The following CCBE1 variants were observed in gnomAD, a reference collection of about 807,000 sequenced individuals.
The protein encoded by CCBE1 is collagen and calcium binding EGF domains 1, also known as collagen and calcium-binding EGF domain-containing protein 1.
In CCBE1, 37 loss-of-function variants were observed where a neutral mutation model predicts 50.0. That is an observed-to-expected ratio of 0.74 (90% CI 0.57 to 0.97). The LOEUF (loss-of-function observed/expected upper bound fraction) is 0.97. CCBE1 is among the 50% of genes least tolerant of loss of function. The pLI is 0.00. For missense variants in CCBE1, 538 were observed against 523.8 expected, an observed-to-expected ratio of 1.03 and a Z score of -0.26; for synonymous variants, 234 against 203.7, an observed-to-expected ratio of 1.15 and a Z score of -1.27.
chr18:59,550,538 A>T (rs1182058084), intron 2 of CCBE1, among the ~76,000 whole-genome samples: 2 of 152,092 alleles, frequency 1.3e-5, no homozygotes, highest in African/African-American at 4.8e-5. Context: ...CCTCAAGTGG[A>T]CTGGACTCAA....
rs546035209 is a variant in CCBE1, at chr18:59,595,114, C to CAAAAAAAAAAAAAAAAAAAAAAAAAA, written c.212+101514_212+101515insTTTTTTTTTTTTTTTTTTTTTTTTTT. 3.0e-4 allele frequency among the ~76,000 whole-genome samples: 22 copies of CAAAAAAAAAAAAAAAAAAAAAAAAAA among 73,574 alleles called. 1 individual carries two copies. Among genetic ancestry groups the CAAAAAAAAAAAAAAAAAAAAAAAAAA allele is most frequent in the African/African-American group, 9.3e-4 (21 of 22,496 alleles). The allele number at this position is 73,574 out of a possible 152,430, so 48.3% of individuals were successfully genotyped here. On this transcript the variant is annotated intron_variant, in intron 2 of 10. Coordinates refer to ENST00000439986, the MANE Select transcript of CCBE1 (RefSeq NM_133459.4). ...CTGGCAACAGAGCGAGACTCTGTCTCAAAAAAAAAAAAAAAAAAATCCATT... is the reference window on the plus strand; with the variant it reads ...CTGGCAACAGAGCGAGACTCTGTCTCAAAAAAAAAAAAAAAAAAAAAAAAAAAAAAAAAAAAAAAAAAAAATCCATT...
chr18:59,689,688 A>G (rs1367211295), intron 2 of CCBE1, among the ~76,000 whole-genome samples: 1 of 152,224 alleles, frequency 6.6e-6, no homozygotes, highest in Non-Finnish European at 1.5e-5. Flanking sequence ...GTCGGAAAAC[A>G]TGATGCTGGC....
intron 2 of CCBE1, among the ~76,000 whole-genome samples, chr18:59,664,735 G>A (rs2054330114): frequency 6.6e-6 from 1 of 152,178 alleles, no homozygotes; most frequent in Non-Finnish European, 1.5e-5. Flanking sequence ...CAGAGGCTGA[G>A]ACCAGAGGGC....
chr18:59,544,010 G>T (rs529583678), intron 2 of CCBE1, among the ~76,000 whole-genome samples: 10 of 152,220 alleles, frequency 6.6e-5, no homozygotes, highest in African/African-American at 2.4e-4. Flanking sequence ...ATTATGTTTG[G>T]TTTTTGTAGT....
At chr18:59,491,835 C>CAAACAAACAAATAAACAAACA (rs71177029) in intron 2 of CCBE1, among the ~76,000 whole-genome samples, 11 of 148,746 alleles carry the variant, frequency 7.4e-5, no homozygotes, top group African/African-American at 2.2e-4. Context: ...AACAAACAAA[C>CAAACAAACAAATAAACAAACA]AAAAAAAAAC....
At chr18:59,475,911 G>T (rs1912284295) in intron 3 of CCBE1, among the ~76,000 whole-genome samples, 2 of 152,134 alleles carry the variant, frequency 1.3e-5, no homozygotes, top group South Asian at 2.1e-4. Flanking sequence ...TAGAGTCAGG[G>T]TTTCACTATT....
Position 59,503,706 on chromosome 18 carries a change from T to C in CCBE1, c.213-23468A>G, listed in dbSNP as rs116886312. On this transcript the variant is annotated intron_variant, in intron 2 of 10. Coordinates refer to ENST00000439986, the MANE Select transcript of CCBE1 (RefSeq NM_133459.4). ...ATATTTAAAATATATATGTATTTTC[T>C]ATCCTATTAATATAATTTCTTGGCT... Among the ~76,000 whole-genome samples, 1,398 of 152,356 alleles carry C rather than the reference T, an allele frequency of 9.2e-3. 14 individuals are homozygous for C. Among genetic ancestry groups the C allele is most frequent in the Non-Finnish European group, 0.014 (983 of 68,034 alleles).
At chr18:59,470,946 G>T (rs1295150609) in intron 3 of CCBE1, among the ~76,000 whole-genome samples, 1 of 152,182 alleles carries the variant, frequency 6.6e-6, no homozygotes, top group Non-Finnish European at 1.5e-5. Context: ...TCCCATGATT[G>T]TGATTTCAGG....
At chr18:59,547,097 G>A (rs1335872754) in intron 2 of CCBE1, among the ~76,000 whole-genome samples, 1 of 106,524 alleles carries the variant, frequency 9.4e-6, no homozygotes, top group Non-Finnish European at 1.9e-5. Context: ...GAGAGAGGGA[G>A]GTAGGGAGAG....
At chr18:59,604,717 T>A (rs2053474482) in intron 2 of CCBE1, among the ~76,000 whole-genome samples, 3 of 152,242 alleles carry the variant, frequency 2.0e-5, no homozygotes. Flanking sequence ...GGACAACTCT[T>A]CAGATGGATA....
chr18:59,666,721 C>T (rs1055126866), intron 2 of CCBE1, among the ~76,000 whole-genome samples: 16 of 152,074 alleles, frequency 1.1e-4, no homozygotes, highest in South Asian at 4.1e-4. Context: ...AATCCCAGAA[C>T]GTTGGGAGGC....
At chr18:59,441,837 G>A (rs751407362) in intron 7 of CCBE1, among the ~76,000 whole-genome samples, 1 of 152,156 alleles carries the variant, frequency 6.6e-6, no homozygotes, top group Non-Finnish European at 1.5e-5. Flanking sequence ...ATAAAATGAA[G>A]CATCCAAAAG....
chr18:59,651,149 C>G (rs912543428), intron 2 of CCBE1, among the ~76,000 whole-genome samples: 1 of 152,190 alleles, frequency 6.6e-6, no homozygotes, highest in Admixed American at 6.5e-5. Context: ...ATAGAAGCAA[C>G]AAGCCTAAGC....
At chr18:59,582,266 T>C (rs1306074683) in intron 2 of CCBE1, among the ~76,000 whole-genome samples, 1 of 152,210 alleles carries the variant, frequency 6.6e-6, no homozygotes, top group African/African-American at 2.4e-5. Flanking sequence ...TACTTTCTCC[T>C]GAACTCATAT....
At chr18:59,564,393 T>G (rs1000864193) in intron 2 of CCBE1, among the ~76,000 whole-genome samples, 1 of 152,178 alleles carries the variant, frequency 6.6e-6, no homozygotes, top group African/African-American at 2.4e-5. Context: ...ATATAAACAC[T>G]GTGTTTTTAC....
chr18:59,454,540 C>G (rs1216690880), intron 6 of CCBE1, among the ~76,000 whole-genome samples: 1 of 152,184 alleles, frequency 6.6e-6, no homozygotes, highest in African/African-American at 2.4e-5. Flanking sequence ...GTCACCGCAC[C>G]CGGCTGGAAA....
intron 2 of CCBE1, among the ~76,000 whole-genome samples, chr18:59,591,493 T>C (rs975254137): frequency 6.6e-6 from 1 of 152,078 alleles, no homozygotes; most frequent in Non-Finnish European, 1.5e-5. Context: ...CACATATACA[T>C]CGTATAAACT....
At chr18:59,461,659 T>A (rs1911482037) in intron 5 of CCBE1, among the ~76,000 whole-genome samples, 1 of 151,858 alleles carries the variant, frequency 6.6e-6, no homozygotes, top group Non-Finnish European at 1.5e-5. Flanking sequence ...TAAGACTATT[T>A]GCAATTGCTA....
intron 2 of CCBE1, among the ~76,000 whole-genome samples, chr18:59,650,051 C>T (rs144218278): frequency 9.9e-4 from 151 of 152,190 alleles, no homozygotes; most frequent in Middle Eastern, 3.4e-3. Context: ...GGGAGCCACC[C>T]TCCAAAGTCC....
Sources: allele counts gnomAD v4.1 joint callset (sites outside exome capture counted in the v4.1 genomes callset), GRCh38; gene constraint gnomAD v4.1.1; transcripts MANE v1.5; gene names NCBI Gene and HGNC (gene_info 2026-07-23, HGNC 2026-07-21).